MAP2: variants seen among roughly 807,000 people sequenced by gnomAD.
MAP2 encodes microtubule-associated protein 2.
Under a neutral mutation model 137.6 loss-of-function variants are expected in MAP2, and 14 were observed. That is an observed-to-expected ratio of 0.10 (90% CI 0.07 to 0.16). The LOEUF (loss-of-function observed/expected upper bound fraction) is 0.16. Ranked by LOEUF, MAP2 falls within the 10% of genes least tolerant of loss-of-function variation. The pLI is 1.00. For synonymous variants in MAP2, 786 were observed against 782.3 expected, an observed-to-expected ratio of 1.00 and a Z score of -0.08; for missense variants, 2,088 against 2,191.5, an observed-to-expected ratio of 0.95 and a Z score of 0.94.
intron 3 of MAP2, among the ~76,000 whole-genome samples, chr2:209,614,118 CTT>C (rs985854682): frequency 6.6e-6 from 1 of 152,116 alleles, no homozygotes; most frequent in African/African-American, 2.4e-5. Context: ...GTTTCTGTCT[CTT>C]TGTGCCCCTC....
chr2:209,500,982 G>A (rs1258096802), intron 1 of MAP2, among the ~76,000 whole-genome samples: 1 of 146,368 alleles, frequency 6.8e-6, no homozygotes, highest in Non-Finnish European at 1.5e-5. Context: ...AGACTGGAGT[G>A]AGCCATGATC....
At chr2:209,508,942 A>G (rs548205683) in intron 2 of MAP2, among the ~76,000 whole-genome samples, 1 of 152,068 alleles carries the variant, frequency 6.6e-6, no homozygotes, top group South Asian at 2.1e-4. Flanking sequence ...TTTATCCCCT[A>G]CTAGCCCCTA....
At chr2:209,708,499 A>C (rs915055260) in intron 12 of MAP2, among the ~76,000 whole-genome samples, 30 of 152,110 alleles carry the variant, frequency 2.0e-4, no homozygotes, top group African/African-American at 6.0e-4. Flanking sequence ...GTGGATTTAC[A>C]TTTTCCATAG....
chr2:209,720,948 T>C (rs2070504100), intron 13 of MAP2, among the ~76,000 whole-genome samples: 1 of 152,150 alleles, frequency 6.6e-6, no homozygotes, highest in Admixed American at 6.5e-5. Flanking sequence ...CTTTGATTTT[T>C]TTTTTTTTAA....
chr2:209,583,293 G>C (rs897776590), intron 3 of MAP2, among the ~76,000 whole-genome samples: 1 of 151,774 alleles, frequency 6.6e-6, no homozygotes, highest in African/African-American at 2.4e-5. Flanking sequence ...TAACTTGAAG[G>C]ACTTTATTCT....
At chr2:209,500,264 A>G (rs2060215307) in intron 1 of MAP2, among the ~76,000 whole-genome samples, 1 of 152,154 alleles carries the variant, frequency 6.6e-6, no homozygotes. Context: ...GCCTCCTCAG[A>G]TTGTCATTCA....
chr2:209,690,622 T>G, intron 7 of MAP2: 1 of 1,287,498 alleles, frequency 7.8e-7, no homozygotes, highest in South Asian at 1.2e-5. Flanking sequence ...CGCTAGAGAG[T>G]CGGATGGCTG....
At chr2:209,677,964 T>A (rs1040189687) in intron 5 of MAP2, among the ~76,000 whole-genome samples, 1 of 152,002 alleles carries the variant, frequency 6.6e-6, no homozygotes, top group Non-Finnish European at 1.5e-5. Flanking sequence ...TATTTAACCA[T>A]AAATAGATTT....
intron 5 of MAP2, among the ~76,000 whole-genome samples, chr2:209,660,578 G>C (rs1183563418): frequency 8.3e-5 from 11 of 132,368 alleles, no homozygotes; most frequent in Non-Finnish European, 1.6e-4. Flanking sequence ...GTATTTTTTA[G>C]TAGAGACGGG....
At chr2:209,480,676 T>A (rs777238629) in intron 1 of MAP2, among the ~76,000 whole-genome samples, 2 of 152,112 alleles carry the variant, frequency 1.3e-5, no homozygotes, top group African/African-American at 2.4e-5. Flanking sequence ...AGATTTGATA[T>A]CAGTATTTAT....
chr2:209,629,573 T>C (rs2092765321), intron 4 of MAP2, among the ~76,000 whole-genome samples: 1 of 152,190 alleles, frequency 6.6e-6, no homozygotes, highest in South Asian at 2.1e-4. Flanking sequence ...CGTGGCACTC[T>C]GTGTGAATAA....
chr2:209,438,584 C>G (rs955914255), intron 1 of MAP2, among the ~76,000 whole-genome samples: 1 of 151,482 alleles, frequency 6.6e-6, no homozygotes, highest in Non-Finnish European at 1.5e-5. Context: ...CTTCTTAAAC[C>G]TGCAGAGAAG....
intron 2 of MAP2, among the ~76,000 whole-genome samples, chr2:209,575,034 A>G (rs888821846): frequency 1.3e-5 from 2 of 152,220 alleles, no homozygotes; most frequent in Non-Finnish European, 2.9e-5. Flanking sequence ...TTAAAAATCT[A>G]AAAATTATAA....
intron 2 of MAP2, among the ~76,000 whole-genome samples, chr2:209,578,070 A>G (rs2075629174): frequency 6.6e-6 from 1 of 152,182 alleles, no homozygotes; most frequent in Non-Finnish European, 1.5e-5. Flanking sequence ...AACAAAAGAG[A>G]GCAGGGAAAG....
chr2:209,591,813 C>T (rs1345820970), intron 3 of MAP2, among the ~76,000 whole-genome samples: 1 of 152,112 alleles, frequency 6.6e-6, no homozygotes, highest in Non-Finnish European at 1.5e-5. Flanking sequence ...ATTTAGCACA[C>T]TAACACTTTC....
At chr2:209,547,808 T>A (rs1320147440) in intron 2 of MAP2, among the ~76,000 whole-genome samples, 1 of 152,204 alleles carries the variant, frequency 6.6e-6, no homozygotes, top group East Asian at 1.9e-4. Context: ...TTAATTCCAC[T>A]ATTATTATGA....
chr2:209,727,231 C>T (rs2074386446), intron 14 of MAP2, among the ~76,000 whole-genome samples: 1 of 152,176 alleles, frequency 6.6e-6, no homozygotes. Flanking sequence ...GGAAGGTTGT[C>T]CCATACTTCA....
At chr2:209,707,661 C>T (rs192957069) in intron 12 of MAP2, among the ~76,000 whole-genome samples, 12 of 152,128 alleles carry the variant, frequency 7.9e-5, no homozygotes, top group Admixed American at 5.2e-4. Flanking sequence ...TCTTCAAGTT[C>T]AGAACAAATA....
intron 4 of MAP2, among the ~76,000 whole-genome samples, chr2:209,637,246 C>T (rs376166706): frequency 2.6e-5 from 4 of 152,190 alleles, no homozygotes; most frequent in East Asian, 3.9e-4. Context: ...AATTCAAGAC[C>T]ACCCTAGCCA....
Sources: gnomAD v4.1 joint callset for allele counts (sites outside exome capture counted in the v4.1 genomes callset) on GRCh38, gnomAD v4.1.1 for gene constraint, MANE v1.5 for transcripts, NCBI Gene and HGNC (gene_info 2026-07-23, HGNC 2026-07-21) for gene names.